Variants in DTHD1 observed in about 807,000 individuals in gnomAD.
DTHD1 encodes death domain containing 1.
In DTHD1, 59 loss-of-function variants were observed where a neutral mutation model predicts 74.8. The observed-to-expected ratio is 0.79, with a 90% confidence interval of 0.64 to 0.98. The LOEUF (loss-of-function observed/expected upper bound fraction) is 0.98. DTHD1 is among the 50% of genes least tolerant of loss of function. The probability of loss-of-function intolerance (pLI) is 0.00; values close to 1 mark genes in which losing one functional copy is unlikely to be tolerated. For synonymous variants in DTHD1, 365 were observed against 371.1 expected (o/e 0.98, Z 0.19); for missense variants, 1,051 against 1,065.4 (o/e 0.99, Z 0.19).
chr4:36,312,431 G>A (rs1757460088), intron 7 of DTHD1, among the ~76,000 whole-genome samples: 1 of 152,020 alleles, frequency 6.6e-6, no homozygotes, highest in Admixed American at 6.6e-5. Context: ...AAGAAAGACA[G>A]AGAATAAGCA....
At chr4:36,334,612 G>A (rs921103475) in intron 8 of DTHD1, among the ~76,000 whole-genome samples, 24 of 151,978 alleles carry the variant, frequency 1.6e-4, no homozygotes, top group Admixed American at 1.5e-3. Flanking sequence ...CACCTGCCTC[G>A]GCCTCCCAAA....
chr4:36,327,300 A>C (rs1199070237), intron 8 of DTHD1, among the ~76,000 whole-genome samples: 3 of 152,176 alleles, frequency 2.0e-5, no homozygotes, highest in Non-Finnish European at 4.4e-5. Context: ...AATAACCTAG[A>C]AAGAATTATG....
At chr4:36,326,384 A>T (rs1201954041) in intron 8 of DTHD1, among the ~76,000 whole-genome samples, 1 of 150,752 alleles carries the variant, frequency 6.6e-6, no homozygotes, top group East Asian at 1.9e-4. Context: ...TAGTAACTTG[A>T]CAAAGCATTT....
At chr4:36,328,270 A>C (rs1377974254) in intron 8 of DTHD1, among the ~76,000 whole-genome samples, 1 of 152,094 alleles carries the variant, frequency 6.6e-6, no homozygotes, top group African/African-American at 2.4e-5. Context: ...CAGCAATCTT[A>C]CTTCTCTGTG....
chr4:36,281,917 A>G lies in DTHD1; in HGVS notation c.159A>G (p.Glu53=). ...CCACTGTGGTCTTTCTGGGTCAGGA[A>G]CTCAGCAGTGCCCTTCACCAGCTGC... ...WMATVVFLGQ[E]LSSALHQLLE... The change falls in exon 1 of 10, where the codon GAA becomes GAG. Residue 53 remains glutamate (E), a synonymous_variant. Coordinates refer to ENST00000639862, the MANE Select transcript of DTHD1 (RefSeq NM_001170700.3). 1 of 1,320,786 alleles carries G rather than the reference A, an allele frequency of 7.6e-7. No individual in the cohort carries two copies. 81.8% of individuals were successfully genotyped at this position (1,320,786 alleles called of 1,614,324 possible). A position where few individuals can be genotyped will look rare whatever the true frequency, so the allele number is the denominator to read the frequency against.
intron 2 of DTHD1, among the ~76,000 whole-genome samples, chr4:36,289,223 A>T (rs1339507773): frequency 6.6e-6 from 1 of 152,198 alleles, no homozygotes; most frequent in Non-Finnish European, 1.5e-5. Context: ...AATGAGAAGT[A>T]GTAAAAAAAG....
rs568863038 is a variant in DTHD1 at position 36,291,426 on chromosome 4, A to G, written c.1218+723A>G. Among the ~76,000 whole-genome samples, 4 of 152,360 alleles carry G rather than the reference A, an allele frequency of 2.6e-5. No individual in the cohort carries two copies. The South Asian group carries it at 6.2e-4, about 24-fold the overall frequency. The stretch of plus-strand genomic sequence containing the variant: ...AGACGGAAGCCTATAAACACATGTT[A>G]GTTGTTAATAAATTATCATTTTCAT... On this transcript the variant is annotated intron_variant, in intron 3 of 9. Coordinates refer to ENST00000639862, the MANE Select transcript of DTHD1 (RefSeq NM_001170700.3).
At chr4:36,307,393 T>C (rs1757122885) in intron 6 of DTHD1, among the ~76,000 whole-genome samples, 1 of 152,210 alleles carries the variant, frequency 6.6e-6, no homozygotes, top group African/African-American at 2.4e-5. Flanking sequence ...CAGGGTGTTT[T>C]CTCTGTATGC....
In DTHD1 at chr4:36,347,045, C is replaced by T. The variant is rs1404990074; in HGVS notation, c.*3221C>T. Reference sequence around the variant, plus strand: ...TGAGACCCTGATTGATACCTCTCTGCACACCTTTCTTATGCTCCTAGCAAC... The same window carrying T: ...TGAGACCCTGATTGATACCTCTCTGTACACCTTTCTTATGCTCCTAGCAAC... On this transcript the variant is annotated 3_prime_UTR_variant, in exon 10 of 10. Coordinates refer to ENST00000639862, the MANE Select transcript of DTHD1 (RefSeq NM_001170700.3). 1.3e-5 allele frequency among the ~76,000 whole-genome samples: 2 copies of T among 152,164 alleles called. No individual in the cohort carries two copies.
chr4:36,284,119 A>G lies in DTHD1; in HGVS notation c.415A>G (p.Ile139Val). 1 of 1,537,266 alleles carries G rather than the reference A, an allele frequency of 6.5e-7. No individual in the cohort carries two copies. Among genetic ancestry groups the G allele is most frequent in the Non-Finnish European group, 8.7e-7 (1 of 1,146,894 alleles). The change falls in exon 2 of 10, where the codon ATT (isoleucine) becomes GTT (valine). Residue 139 changes from isoleucine to valine, a missense_variant. Coordinates refer to ENST00000639862, the MANE Select transcript of DTHD1 (RefSeq NM_001170700.3). Reference sequence around the variant, plus strand: ...TACTCCACAGCAGACAATGTCCTCCATTCAAGATACCAAAGCAGCAGACAT... The same window carrying G: ...TACTCCACAGCAGACAATGTCCTCCGTTCAAGATACCAAAGCAGCAGACAT... Reference protein sequence around the residue: ...ECTPQQTMSSIQDTKAADIAA... With the variant: ...ECTPQQTMSSVQDTKAADIAA...
chr4:36,281,837 C>A lies in DTHD1; in HGVS notation c.79C>A (p.Gln27Lys). The change falls in exon 1 of 10, where the codon CAG becomes AAG. Residue 27 changes from glutamine to lysine, a missense_variant. Transcript: ENST00000639862. ...QIWRQNQMLK[Q>K]ALLGDDLCEG... ...TTGGAGACAAAACCAGATGCTAAAGCAGGCACTCTTGGGTGATGACCTTTG... is the reference window on the plus strand; with the variant it reads ...TTGGAGACAAAACCAGATGCTAAAGAAGGCACTCTTGGGTGATGACCTTTG... 1 of 1,245,848 alleles carries A rather than the reference C, an allele frequency of 8.0e-7. No individual in the cohort carries two copies. Among genetic ancestry groups the A allele is most frequent in the Non-Finnish European group, 1.0e-6 (1 of 993,466 alleles). 77.2% of individuals were successfully genotyped at this position (1,245,848 alleles called of 1,614,324 possible). A position where few individuals can be genotyped will look rare whatever the true frequency, so the allele number is the denominator to read the frequency against.
intron 7 of DTHD1, among the ~76,000 whole-genome samples, chr4:36,310,498 G>A (rs1757333056): frequency 6.6e-6 from 1 of 152,060 alleles, no homozygotes; most frequent in Admixed American, 6.5e-5. Flanking sequence ...AGGTGAGAGG[G>A]AAAATTCCGG....
chr4:36,284,606 T>C lies in DTHD1; in HGVS notation c.887+15T>C. The stretch of plus-strand genomic sequence containing the variant: ...ATGGAAAAGGAGTAAGTAAATGCAA[T>C]GTGGGAAGTGCTTAAGTATGCCTAC... On this transcript the variant is annotated intron_variant, in intron 2 of 9. Transcript: ENST00000639862. 6.7e-7 allele frequency: 1 copy of C among 1,482,888 alleles called. No homozygotes were observed. 91.9% of individuals were successfully genotyped at this position (1,482,888 alleles called of 1,614,324 possible). A position where few individuals can be genotyped will look rare whatever the true frequency, so the allele number is the denominator to read the frequency against.
At chr4:36,309,674 C>A (rs930909633) in intron 7 of DTHD1, among the ~76,000 whole-genome samples, 1 of 151,966 alleles carries the variant, frequency 6.6e-6, no homozygotes, top group Non-Finnish European at 1.5e-5. Context: ...TTTTTCTTTA[C>A]AAAATGCTTT....
chr4:36,343,863 C>T lies in DTHD1; in HGVS notation c.*39C>T, dbSNP rs1195412624. ...CTTCCTTTACCCCTAGGAAAAGGCA[C>T]ACGGTGGGTTTTTGTTTCTGTCAAC... On this transcript the variant is annotated 3_prime_UTR_variant, in exon 10 of 10. Transcript: ENST00000639862. 1.4e-6 allele frequency: 2 copies of T among 1,475,614 alleles called. No homozygotes were observed. Among genetic ancestry groups the T allele is most frequent in the African/African-American group, 1.4e-5 (1 of 70,360 alleles). The allele number at this position is 1,475,614 out of a possible 1,614,324, so 91.4% of individuals were successfully genotyped here. A position where few individuals can be genotyped will look rare whatever the true frequency, so the allele number is the denominator to read the frequency against.
At chr4:36,329,607 C>A (rs914515730) in intron 8 of DTHD1, among the ~76,000 whole-genome samples, 1 of 152,214 alleles carries the variant, frequency 6.6e-6, no homozygotes, top group African/African-American at 2.4e-5. Context: ...AATGATATGA[C>A]TCACAGCAAA....
In DTHD1 at chr4:36,343,542, G is replaced by A. The variant is rs2109587798; in HGVS notation, c.2439G>A (p.Glu813=). 2 of 1,551,552 alleles carry A rather than the reference G, an allele frequency of 1.3e-6. No homozygotes were observed. Among genetic ancestry groups the A allele is most frequent in the South Asian group, 2.4e-5 (2 of 84,058 alleles). Residue 813 remains glutamate, a synonymous_variant, in exon 10 of 10, where the codon GAG becomes GAA. Transcript: ENST00000639862. ...WDNLLHWLAE[E]LSEENAESLS... Reference sequence around the variant, plus strand: ...ACTTGCTCCATTGGCTGGCTGAGGAGCTCTCAGAAGAAAATGCTGAGTCTC... The same window carrying A: ...ACTTGCTCCATTGGCTGGCTGAGGAACTCTCAGAAGAAAATGCTGAGTCTC...
chr4:36,300,619 G>A (rs1041374950), intron 5 of DTHD1, among the ~76,000 whole-genome samples: 8 of 110,666 alleles, frequency 7.2e-5, no homozygotes, highest in Non-Finnish European at 1.2e-4. Flanking sequence ...TCAAGATCTC[G>A]CTGTTTTACA....
rs529052921 is a variant in DTHD1, at chr4:36,328,079, T to TA, written c.2341-11026dup. Among the ~76,000 whole-genome samples, 846 of 152,244 alleles carry TA rather than the reference T, an allele frequency of 5.6e-3. 5 individuals are homozygous for TA. The highest frequency in any genetic ancestry group is 0.019 in the African/African-American group (783 of 41,528). ...GAAGCAAAATATAAAGCTGGCTGCA[T>TA]AAAAAAATGTGCATGGGTTTGAAGC... On this transcript the variant is annotated intron_variant, in intron 8 of 9. Coordinates refer to ENST00000639862, the MANE Select transcript of DTHD1 (RefSeq NM_001170700.3).
Sources: allele counts gnomAD v4.1 joint callset (sites outside exome capture counted in the v4.1 genomes callset), GRCh38; gene constraint gnomAD v4.1.1; transcripts MANE v1.5; gene names NCBI Gene and HGNC (gene_info 2026-07-23, HGNC 2026-07-21).